Variants in TPT1 observed in about 807,000 individuals in gnomAD.
TPT1 encodes the protein translationally-controlled tumor protein.
Under a neutral mutation model 22.8 loss-of-function variants are expected in TPT1, and 5 were observed. The ratio of observed to expected loss-of-function variants is 0.22; its 90% CI spans 0.11 to 0.46. TPT1 has a LOEUF of 0.46. TPT1 is among the 20% of genes least tolerant of loss of function. TPT1 has a pLI of 0.99. For synonymous variants in TPT1, 89 were observed against 73.6 expected (o/e 1.21, Z -1.07); for missense variants, 130 against 218.7 (o/e 0.59, Z 2.56).
chr13:45,337,969 C>T (rs1878821049), intron 5 of TPT1, among the ~76,000 whole-genome samples: 1 of 152,160 alleles, frequency 6.6e-6, no homozygotes, highest in African/African-American at 2.4e-5. Context: ...CTGCACTAGG[C>T]TTTTCAATGA....
At position 45,333,849 on chromosome 13, in the gene TPT1, G is replaced by A. The variant is rs565787347; in HGVS notation, c.*3537C>T. 6.6e-6 allele frequency: 1 copy of A among 152,262 alleles called. No individual in the cohort carries two copies. The highest frequency in any genetic ancestry group is 2.4e-5 in the African/African-American group (1 of 41,550). The allele number at this position is 152,262 out of a possible 1,614,324, so 9.4% of individuals were successfully genotyped here. A position where few individuals can be genotyped will look rare whatever the true frequency, so the allele number is the denominator to read the frequency against. On this transcript the variant is annotated 3_prime_UTR_variant, in exon 6 of 6. Transcript: ENST00000530705. Reference sequence around the variant, plus strand: ...TAAGTACTTTGCAACAGGTAACCCTGTTGACTACTTCCTCCTTCCTAAAAC... The same window carrying A: ...TAAGTACTTTGCAACAGGTAACCCTATTGACTACTTCCTCCTTCCTAAAAC...
chr13:45,337,416 T>C (rs1878772707), intron 5 of TPT1, 28 bp from the exon 6 acceptor site: 1 of 1,614,144 alleles, frequency 6.2e-7, no homozygotes, highest in East Asian at 2.2e-5. Flanking sequence ...ACATTAATAT[T>C]TTTCAAACAT....
Position 45,337,540 on chromosome 13 carries a change from C to G in TPT1, c.517-152G>C, listed in dbSNP as rs761877201. 9.9e-6 allele frequency: 16 copies of G among 1,612,436 alleles called. No homozygotes were observed. In the Admixed American group the frequency reaches 2.7e-4, roughly 27 times the overall value. On this transcript the variant is annotated intron_variant, in intron 5 of 5. Transcript: ENST00000530705. ...AGACAGACAGAAAGCGCAGGGATTTCTTTCTTTTGCATCCTAGTGCAAACC... is the reference window on the plus strand; with the variant it reads ...AGACAGACAGAAAGCGCAGGGATTTGTTTCTTTTGCATCCTAGTGCAAACC...
intron 5 of TPT1, chr13:45,338,156 C>A (rs1878837219): frequency 6.2e-6 from 1 of 161,684 alleles, no homozygotes; most frequent in Non-Finnish European, 1.3e-5. Context: ...GCACCTCACT[C>A]TGTCACCCAG....
Position 45,335,186 on chromosome 13 carries a change from T to A in TPT1, c.*2200A>T, listed in dbSNP as rs925500078. 1 of 152,162 alleles carries A rather than the reference T, an allele frequency of 6.6e-6. No individual in the cohort carries two copies. The highest frequency in any genetic ancestry group is 2.4e-5 in the African/African-American group (1 of 41,436). The allele number at this position is 152,162 out of a possible 1,614,324, so 9.4% of individuals were successfully genotyped here. ...GGAATAACGAGAAAAAGATATAAAA[T>A]GAGACAGTCTTCAAAGTCTGAGAAG... On this transcript the variant is annotated 3_prime_UTR_variant, in exon 6 of 6. Transcript: ENST00000530705.
rs1406947020 is a variant in TPT1, at chr13:45,334,908, TCTTGGC to T, written c.*2472_*2477del. ...TCACACTCCAGACTAACTGCTGTTGTCTTGGCCTGGAATGGTTTGTCCTGATATCCA... is the reference window on the plus strand; with the variant it reads ...TCACACTCCAGACTAACTGCTGTTGTCTGGAATGGTTTGTCCTGATATCCA... On this transcript the variant is annotated 3_prime_UTR_variant, in exon 6 of 6. Coordinates refer to ENST00000530705, the MANE Select transcript of TPT1 (RefSeq NM_003295.4). The T allele has an allele frequency of 2.0e-5, 3 of 152,192 alleles. No individual in the cohort carries two copies. The highest frequency in any genetic ancestry group is 4.4e-5 in the Non-Finnish European group (3 of 68,044). 9.4% of individuals were successfully genotyped at this position (152,192 alleles called of 1,614,324 possible).
rs1555278697 is a variant in TPT1 at position 45,340,194 on chromosome 13, G to A, written c.103-10C>T. 1.4e-5 allele frequency: 23 copies of A among 1,602,868 alleles called. No individual in the cohort carries two copies. The highest frequency in any genetic ancestry group is 2.2e-5 in the East Asian group (1 of 44,712). On this transcript the variant is annotated splice_polypyrimidine_tract_variant and intron_variant, in intron 2 of 5. Transcript: ENST00000530705. Reference sequence around the variant, plus strand: ...CTGTCCTACTGACCATCTGCATTAAGAAAAAGCAGTATAATTGCAAAAGAC... The same window carrying A: ...CTGTCCTACTGACCATCTGCATTAAAAAAAAGCAGTATAATTGCAAAAGAC...
rs191182799 is a variant in TPT1, at chr13:45,334,578, T to C, written c.*2808A>G. 2 of 152,310 alleles carry C rather than the reference T, an allele frequency of 1.3e-5. No individual in the cohort carries two copies. Among genetic ancestry groups the C allele is most frequent in the Non-Finnish European group, 2.9e-5 (2 of 68,022 alleles). The allele number at this position is 152,310 out of a possible 1,614,324, so 9.4% of individuals were successfully genotyped here. A position where few individuals can be genotyped will look rare whatever the true frequency, so the allele number is the denominator to read the frequency against. Reference sequence around the variant, plus strand: ...AATACTTGTATCAACATTAAATCCATCCTCACCCACCAGCATATCCTGTTG... The same window carrying C: ...AATACTTGTATCAACATTAAATCCACCCTCACCCACCAGCATATCCTGTTG... On this transcript the variant is annotated 3_prime_UTR_variant, in exon 6 of 6. Transcript: ENST00000530705.
rs1042531465 is a variant in TPT1, at chr13:45,335,980, A to G, written c.*1406T>C. ...GCCTGCTTTTAATCTTTCTTTTACAAGTGTAATCAACCAGGTAAGGCTGAT... is the reference window on the plus strand; with the variant it reads ...GCCTGCTTTTAATCTTTCTTTTACAGGTGTAATCAACCAGGTAAGGCTGAT... On this transcript the variant is annotated 3_prime_UTR_variant, in exon 6 of 6. Coordinates refer to ENST00000530705, the MANE Select transcript of TPT1 (RefSeq NM_003295.4). The G allele has an allele frequency of 6.6e-6, 1 of 152,150 alleles. No individual in the cohort carries two copies. Among genetic ancestry groups the G allele is most frequent in the Non-Finnish European group, 1.5e-5 (1 of 68,032 alleles). 9.4% of individuals were successfully genotyped at this position (152,150 alleles called of 1,614,324 possible).
At position 45,339,550 on chromosome 13, in the gene TPT1, T is replaced by C. The variant is rs1318564788; in HGVS notation, c.346A>G (p.Thr116Ala). The C allele has an allele frequency of 4.3e-6, 7 of 1,613,842 alleles. No individual in the cohort carries two copies. Among genetic ancestry groups the C allele is most frequent in the Non-Finnish European group, 5.9e-6 (7 of 1,179,994 alleles). ...QRPERVKPFM[T>A]GAAEQIKHIL... ...TGCTTGATTTGTTCTGCAGCCCCTG[T>C]CATAAAAGGTTTTACTCTTTCTGGT... Residue 116 changes from threonine (T) to alanine (A), a missense_variant, in exon 4 of 6, where the codon ACA becomes GCA. Thr to Ala is a moderately conservative substitution (Grantham distance 58, BLOSUM62 0). Transcript: ENST00000530705.
intron 2 of TPT1, chr13:45,340,464 G>A (rs1341144590): frequency 4.1e-6 from 3 of 737,318 alleles, no homozygotes; most frequent in East Asian, 2.7e-5. Context: ...AAACACGAAA[G>A]GACTCCAGGC....
intron 5 of TPT1, chr13:45,338,343 C>T (rs35952083): frequency 0.029 from 10,103 of 350,254 alleles, 231 homozygotes; most frequent in Non-Finnish European, 0.038. Flanking sequence ...TGGTCTCGAA[C>T]TCCCAACCTC....
chr13:45,340,387 G>C (rs1879012760), intron 2 of TPT1: 3 of 855,928 alleles, frequency 3.5e-6, no homozygotes, highest in East Asian at 2.6e-5. Flanking sequence ...ACAAAAAATG[G>C]GGTCATTAAA....
intron 2 of TPT1, 157 bp downstream of exon 2, chr13:45,340,555 G>T: frequency 2.1e-6 from 2 of 952,282 alleles, no homozygotes; most frequent in South Asian, 1.4e-5. Context: ...TCCAGGATCA[G>T]CTCCGCCTCC....
At position 45,335,223 on chromosome 13, in the gene TPT1, A is replaced by T. The variant is rs763616053; in HGVS notation, c.*2163T>A. ...CAAAGTCTGAGAAGATTCTACCTGG[A>T]ATCTTCAAAGGTTTACCATGAGGTA... On this transcript the variant is annotated 3_prime_UTR_variant, in exon 6 of 6. Transcript: ENST00000530705. The T allele has an allele frequency of 6.6e-6, 1 of 152,208 alleles. No homozygotes were observed. The highest frequency in any genetic ancestry group is 1.5e-5 in the Non-Finnish European group (1 of 68,038). The allele number at this position is 152,208 out of a possible 1,614,324, so 9.4% of individuals were successfully genotyped here.
chr13:45,337,823 G>C (rs952629577), intron 5 of TPT1, among the ~76,000 whole-genome samples: 1 of 152,174 alleles, frequency 6.6e-6, no homozygotes, highest in African/African-American at 2.4e-5. Flanking sequence ...AGAAGCCTAT[G>C]AAAACTAGGA....
At position 45,340,943 on chromosome 13, in the gene TPT1, C is replaced by T. The variant is rs1028235265; in HGVS notation, c.28+99G>A. 2.3e-5 allele frequency: 35 copies of T among 1,542,724 alleles called. No homozygotes were observed. In the African/African-American group the frequency reaches 2.8e-4, roughly 12 times the overall value. On this transcript the variant is annotated intron_variant, in intron 1 of 5. Transcript: ENST00000530705. ...ACCCCTCCGCGCTCGGCTAAGACCG[C>T]CGGCGTCCCCTAGGCCCGCGACGGC...
intron 4 of TPT1, 146 bp from the exon 5 acceptor site, chr13:45,338,922 G>A (rs1228144359): frequency 1.1e-5 from 7 of 631,052 alleles, no homozygotes; most frequent in South Asian, 2.3e-5. Flanking sequence ...ACTTATCATA[G>A]ACATCTGTTC....
rs1879072226 is a variant in TPT1 at position 45,340,874 on chromosome 13, C to A, written c.29-89G>T. ...CGCCGGCGGCCGCACGCGGGATCTG[C>A]CCCTCCGTAGCACACCAGAGCTGGG... On this transcript the variant is annotated intron_variant, in intron 1 of 5. Transcript: ENST00000530705. 48 of 1,458,734 alleles carry A rather than the reference C, an allele frequency of 3.3e-5. 1 individual carries two copies. Among genetic ancestry groups the A allele is most frequent in the Non-Finnish European group, 3.6e-5 (40 of 1,103,656 alleles). 90.4% of individuals were successfully genotyped at this position (1,458,734 alleles called of 1,614,324 possible).
Sources: allele counts gnomAD v4.1 joint callset (sites outside exome capture counted in the v4.1 genomes callset), GRCh38; gene constraint gnomAD v4.1.1; transcripts MANE v1.5; gene names NCBI Gene and HGNC (gene_info 2026-07-23, HGNC 2026-07-21).